LPP: variants seen among roughly 807,000 people sequenced by gnomAD.
LPP encodes the protein lipoma-preferred partner.
A neutral mutation model predicts 60.4 loss-of-function variants in LPP; 38 were observed. The observed-to-expected ratio is 0.63, with a 90% confidence interval of 0.49 to 0.83. LPP has a LOEUF of 0.83. Ranked by LOEUF, LPP falls within the 40% of genes least tolerant of loss-of-function variation. LPP has a pLI of 0.00. For synonymous variants in LPP, 328 were observed against 290.8 expected, an observed-to-expected ratio of 1.13 and a Z score of -1.30; for missense variants, 902 against 783.6, an observed-to-expected ratio of 1.15 and a Z score of -1.80.
intron 7 of LPP, among the ~76,000 whole-genome samples, chr3:188,663,386 T>C (rs1009380791): frequency 6.6e-6 from 1 of 152,218 alleles, no homozygotes; most frequent in African/African-American, 2.4e-5. Context: ...AATGAAATGT[T>C]TCCACAGGAG....
rs550156581 is a variant in LPP at position 188,427,610 on chromosome 3, C to T, written c.193+21297C>T. Among the ~76,000 whole-genome samples, 3 of 152,244 alleles carry T rather than the reference C, an allele frequency of 2.0e-5. No individual in the cohort carries two copies. In the East Asian group the frequency reaches 5.8e-4, roughly 29 times the overall value. ...TCCTTTCTTTCAGAGATGCCCTGCCCAGAGAGGAGGAATCTATAGCGGCAG... is the reference window on the plus strand; with the variant it reads ...TCCTTTCTTTCAGAGATGCCCTGCCTAGAGAGGAGGAATCTATAGCGGCAG... On this transcript the variant is annotated intron_variant, in intron 4 of 11. Transcript: ENST00000617246.
intron 2 of LPP, among the ~76,000 whole-genome samples, chr3:188,242,042 G>A (rs1300614468): frequency 6.6e-6 from 1 of 152,092 alleles, no homozygotes; most frequent in African/African-American, 2.4e-5. Flanking sequence ...TGGATGATGT[G>A]CTTTTTTTGG....
intron 9 of LPP, among the ~76,000 whole-genome samples, chr3:188,811,712 A>C (rs1468976121): frequency 6.6e-6 from 1 of 152,140 alleles, no homozygotes; most frequent in East Asian, 1.9e-4. Context: ...ACTGAGGCTT[A>C]GGGAAGGGAA....
chr3:188,530,777 G>A (rs578171852), intron 6 of LPP, among the ~76,000 whole-genome samples: 11 of 152,238 alleles, frequency 7.2e-5, no homozygotes, highest in South Asian at 6.2e-4. Context: ...TATCAAAGAC[G>A]TACTTCAATG....
At position 188,202,478 on chromosome 3, in the gene LPP, G is replaced by C. The variant is rs115540335; in HGVS notation, c.-189-22927G>C. On this transcript the variant is annotated intron_variant, in intron 1 of 11. Transcript: ENST00000617246. ...CCTGTGTGAGGCCCATAAGCCATGA[G>C]GCATGTAGGGAGCAGACTGTGTCGT... Among the ~76,000 whole-genome samples the C allele has an allele frequency of 5.2e-3, 795 of 152,312 alleles. 5 individuals are homozygous for C. Among genetic ancestry groups the C allele is most frequent in the African/African-American group, 0.018 (766 of 41,556 alleles).
At chr3:188,355,270 G>A (rs1473913131) in intron 3 of LPP, among the ~76,000 whole-genome samples, 1 of 152,160 alleles carries the variant, frequency 6.6e-6, no homozygotes, top group Non-Finnish European at 1.5e-5. Context: ...GCCTCCCAAA[G>A]TGCTGGGATT....
At chr3:188,819,329 T>A (rs1233493125) in intron 9 of LPP, among the ~76,000 whole-genome samples, 1 of 151,838 alleles carries the variant, frequency 6.6e-6, no homozygotes, top group Non-Finnish European at 1.5e-5. Flanking sequence ...CCTTTTGGAT[T>A]CCCAAGTGTC....
intron 3 of LPP, among the ~76,000 whole-genome samples, chr3:188,376,507 A>G (rs1001255987): frequency 2.6e-5 from 4 of 152,110 alleles, no homozygotes; most frequent in African/African-American, 9.7e-5. Flanking sequence ...AGTCTGTTTT[A>G]TCAGAGACTA....
intron 4 of LPP, among the ~76,000 whole-genome samples, chr3:188,407,531 G>A (rs1263631236): frequency 6.6e-6 from 1 of 152,170 alleles, no homozygotes; most frequent in Non-Finnish European, 1.5e-5. Context: ...CCCTCAGAAA[G>A]CTGCTCTTGA....
At chr3:188,318,920 G>A (rs1200621320) in intron 2 of LPP, among the ~76,000 whole-genome samples, 4 of 150,720 alleles carry the variant, frequency 2.7e-5, no homozygotes, top group African/African-American at 2.4e-5. Flanking sequence ...CACTACGCCC[G>A]GCTAATTTTT....
intron 3 of LPP, among the ~76,000 whole-genome samples, chr3:188,396,373 A>G (rs1261901419): frequency 1.3e-5 from 2 of 152,214 alleles, no homozygotes; most frequent in African/African-American, 4.8e-5. Flanking sequence ...AGAACATCCT[A>G]AAGTGGTAGC....
chr3:188,587,498 A>G (rs926814684), intron 6 of LPP, among the ~76,000 whole-genome samples: 3 of 152,246 alleles, frequency 2.0e-5, no homozygotes, highest in African/African-American at 4.8e-5. Flanking sequence ...GTTAAATTCT[A>G]TCAGCATAAT....
At chr3:188,252,500 G>A (rs557578645) in intron 2 of LPP, among the ~76,000 whole-genome samples, 6 of 151,926 alleles carry the variant, frequency 3.9e-5, no homozygotes, top group African/African-American at 1.2e-4. Flanking sequence ...AAATGGGTAT[G>A]CTGGGTTAAG....
chr3:188,774,844 G>A (rs1307196207), intron 9 of LPP, among the ~76,000 whole-genome samples: 2 of 152,082 alleles, frequency 1.3e-5, no homozygotes, highest in Non-Finnish European at 2.9e-5. Context: ...CCTCATCTAG[G>A]CTTAATCACT....
At chr3:188,345,940 A>G (rs940896416) in intron 3 of LPP, among the ~76,000 whole-genome samples, 3 of 152,154 alleles carry the variant, frequency 2.0e-5, no homozygotes, top group African/African-American at 7.2e-5. Flanking sequence ...GTGAATGCCT[A>G]ACTTTCCTCT....
chr3:188,716,199 G>A (rs566233902), intron 8 of LPP, among the ~76,000 whole-genome samples: 2 of 152,264 alleles, frequency 1.3e-5, no homozygotes, highest in African/African-American at 4.8e-5. Flanking sequence ...AGTGGAACTA[G>A]GCCTTCATTT....
At chr3:188,637,640 G>A (rs1252917865) in intron 7 of LPP, among the ~76,000 whole-genome samples, 8 of 151,826 alleles carry the variant, frequency 5.3e-5, no homozygotes, top group Non-Finnish European at 2.9e-5. Flanking sequence ...GAAAAAAAGA[G>A]AGAAGAATCA....
At chr3:188,324,105 C>T (rs1399286898) in intron 2 of LPP, among the ~76,000 whole-genome samples, 2 of 152,164 alleles carry the variant, frequency 1.3e-5, no homozygotes, top group East Asian at 3.9e-4. Flanking sequence ...TAGGTTGTGG[C>T]AACATGAAAT....
intron 1 of LPP, among the ~76,000 whole-genome samples, chr3:188,192,822 C>T (rs972263778): frequency 6.6e-6 from 1 of 152,174 alleles, no homozygotes; most frequent in African/African-American, 2.4e-5. Flanking sequence ...TGGAGGTGTC[C>T]GTATCCTGTT....
Sources: gnomAD v4.1 joint callset for allele counts (sites outside exome capture counted in the v4.1 genomes callset) on GRCh38, gnomAD v4.1.1 for gene constraint, MANE v1.5 for transcripts, NCBI Gene and HGNC (gene_info 2026-07-23, HGNC 2026-07-21) for gene names.